The following RAB3GAP1 variants were observed in gnomAD, a reference collection of about 807,000 sequenced individuals.
RAB3GAP1 encodes RAB3 GTPase activating protein catalytic subunit 1, also known as rab3 GTPase-activating protein catalytic subunit.
A neutral mutation model predicts 130.7 loss-of-function variants in RAB3GAP1; 86 were observed. The observed-to-expected ratio is 0.66, with a 90% CI of 0.55 to 0.79. The LOEUF (loss-of-function observed/expected upper bound fraction) is 0.79, where lower values mean the gene tolerates loss of function less well. Ranked by LOEUF, RAB3GAP1 falls within the 30% of genes least tolerant of loss-of-function variation. The pLI, the probability that RAB3GAP1 is intolerant of heterozygous loss-of-function variation, is 0.00. For missense variants in RAB3GAP1, 1,029 were observed against 1,169.4 expected (o/e 0.88, Z 1.75); for synonymous variants, 367 against 401.7 (o/e 0.91, Z 1.03).
intron 17 of RAB3GAP1, among the ~76,000 whole-genome samples, chr2:135,145,604 A>G (rs1264292729): frequency 2.6e-5 from 4 of 152,100 alleles, no homozygotes; most frequent in Non-Finnish European, 5.9e-5. Flanking sequence ...TCATTATTTA[A>G]TCTTTCTTTG....
In RAB3GAP1 at chr2:135,125,136, C is replaced by T. The variant is rs141338560; in HGVS notation, c.830+890C>T. Among the ~76,000 whole-genome samples the T allele has an allele frequency of 2.8e-4, 43 of 152,306 alleles. No individual in the cohort carries two copies. The East Asian group carries it at 4.6e-3, about 16-fold the overall frequency. ...TTTCCCCTTAGTCTTCTCAGCCCTC[C>T]GGCTCTAGGCAAACACTGATATACT... On this transcript the variant is annotated intron_variant, in intron 9 of 23. Transcript: ENST00000264158.
In RAB3GAP1 at chr2:135,126,241, T is replaced by G; in HGVS notation, c.891T>G (p.Asp297Glu). Residue 297 changes from aspartate to glutamate, a missense_variant, in exon 10 of 24, where the codon GAT (aspartate) becomes GAG (glutamate). This residue lies in a region of RAB3GAP1 where 510 missense variants were observed against 532.1 expected (regional missense o/e 0.96). Coordinates refer to ENST00000264158, the MANE Select transcript of RAB3GAP1 (RefSeq NM_012233.3). ...HLTEGIIVDNDVYSDLDPIQA... is the reference protein window; with the variant it reads ...HLTEGIIVDNEVYSDLDPIQA... Reference sequence around the variant, plus strand: ...CCGAAGGGATCATTGTGGATAATGATGTTTATTCGTAAGTATGTTAAGAGT... The same window carrying G: ...CCGAAGGGATCATTGTGGATAATGAGGTTTATTCGTAAGTATGTTAAGAGT... 1 of 1,611,522 alleles carries G rather than the reference T, an allele frequency of 6.2e-7. No homozygotes were observed.
rs186228983 is a variant in RAB3GAP1, at chr2:135,052,333, C to A, written c.18+8C>A. 47 of 1,614,066 alleles carry A rather than the reference C, an allele frequency of 2.9e-5. 1 individual carries two copies. In the African/African-American group the frequency reaches 6.1e-4, roughly 21 times the overall value. ...ATGGCTGCCGACAGTGAGGTGATTT[C>A]TTTGCTCCCTACTTAATCCTTGTCA... On this transcript the variant is annotated splice_region_variant and intron_variant, in intron 1 of 23. Transcript: ENST00000264158.
Position 135,093,654 on chromosome 2 carries a change from A to G in RAB3GAP1, c.323A>G (p.Asn108Ser). ...TCTATGCAAGATTTGCTGGGTATGA[A>G]TAATGACTTTCCTCCAAGAGCACAT... is the stretch of plus-strand genomic sequence containing the variant. ...PQSMQDLLGM[N>S]NDFPPRAHCL... The change falls in exon 5 of 24, where the codon AAT (asparagine) becomes AGT (serine). Residue 108 changes from asparagine (N) to serine (S), a missense_variant. By Grantham distance (46) the Asn-to-Ser change is conservative. Transcript: ENST00000264158. 1 of 1,613,746 alleles carries G rather than the reference A, an allele frequency of 6.2e-7. No individual in the cohort carries two copies. Among genetic ancestry groups the G allele is most frequent in the Non-Finnish European group, 8.5e-7 (1 of 1,179,608 alleles).
intron 3 of RAB3GAP1, chr2:135,090,013 C>A (rs1052224972): frequency 5.2e-6 from 1 of 193,092 alleles, no homozygotes; most frequent in African/African-American, 2.4e-5. Context: ...TTGCAGCAAA[C>A]CACTATGGCA....
intron 7 of RAB3GAP1, among the ~76,000 whole-genome samples, chr2:135,117,612 TCTG>T (rs1691043062): frequency 6.3e-5 from 9 of 141,808 alleles, no homozygotes; most frequent in African/African-American, 1.5e-4. Context: ...TTCTGCTTCT[TCTG>T]CTTCTGCTTC....
At chr2:135,117,822 C>CT (rs1691075561) in intron 7 of RAB3GAP1, among the ~76,000 whole-genome samples, 2 of 124,810 alleles carry the variant, frequency 1.6e-5, no homozygotes, top group African/African-American at 3.9e-5. Flanking sequence ...CTTCTTCTTT[C>CT]TTCTTCTTCT....
At chr2:135,064,238 A>G (rs1193564883) in intron 3 of RAB3GAP1, among the ~76,000 whole-genome samples, 1 of 151,998 alleles carries the variant, frequency 6.6e-6, no homozygotes, top group Non-Finnish European at 1.5e-5. Context: ...GTTTTTCACC[A>G]CATTTGGGGT....
chr2:135,067,039 A>G (rs1386554768), intron 3 of RAB3GAP1, among the ~76,000 whole-genome samples: 4 of 152,220 alleles, frequency 2.6e-5, no homozygotes, highest in African/African-American at 7.2e-5. Context: ...TCATATGGCA[A>G]ATTTAAAATG....
chr2:135,168,632 C>G lies in RAB3GAP1; in HGVS notation c.2797C>G (p.Pro933Ala), dbSNP rs777581558. 6.2e-7 allele frequency: 1 copy of G among 1,614,140 alleles called. No homozygotes were observed. Residue 933 changes from proline to alanine, a missense_variant, in exon 24 of 24, where the codon CCC becomes GCC. By Grantham distance (27) the Pro-to-Ala change is conservative. Transcript: ENST00000264158. The stretch of plus-strand genomic sequence containing the variant: ...GCAGAACTCCGTGTCAGACTTCCCA[C>G]CCCCTGCTGGCCGGGAATTCATTTT... ...RRQNSVSDFPPPAGREFILRT... is the reference protein window; with the variant it reads ...RRQNSVSDFPAPAGREFILRT...
intron 17 of RAB3GAP1, among the ~76,000 whole-genome samples, chr2:135,146,199 CTTTTTTTTTTTTT>C (rs1173567563): frequency 8.3e-5 from 8 of 96,596 alleles, no homozygotes; most frequent in African/African-American, 3.2e-4. Context: ...CATATTTGTT[CTTTTTTTTTTTTT>C]TTTTTTTTTT....
At chr2:135,073,383 G>C (rs1162847660) in intron 3 of RAB3GAP1, among the ~76,000 whole-genome samples, 1 of 152,150 alleles carries the variant, frequency 6.6e-6, no homozygotes, top group East Asian at 1.9e-4. Context: ...TTGTTTTGTT[G>C]ATGCCAATGT....
chr2:135,085,157 A>G (rs1368840093), intron 3 of RAB3GAP1, among the ~76,000 whole-genome samples: 2 of 152,316 alleles, frequency 1.3e-5, no homozygotes, highest in East Asian at 1.9e-4. Context: ...ATTTCCACCA[A>G]CGTGAGAAAC....
rs1692515232 is a variant in RAB3GAP1, at chr2:135,163,081, G to A, written c.2586G>A (p.Glu862=). 6.2e-7 allele frequency: 1 copy of A among 1,613,112 alleles called. No individual in the cohort carries two copies. The highest frequency in any genetic ancestry group is 8.5e-7 in the Non-Finnish European group (1 of 1,179,108). Residue 862 remains glutamate (E), a synonymous_variant, in exon 22 of 24, where the codon GAG becomes GAA. Transcript: ENST00000264158. ...GAACTGAGAAATGTGAACAGGAGGA[G>A]GAAAAGGAAGATCTTGAAAGGTAAT... ...KFGTEKCEQE[E]EKEDLERFVS... is the part of the protein sequence containing the mutation.
At chr2:135,121,645 A>G (rs1320149125) in intron 8 of RAB3GAP1, among the ~76,000 whole-genome samples, 2 of 152,224 alleles carry the variant, frequency 1.3e-5, no homozygotes, top group Non-Finnish European at 2.9e-5. Context: ...AACTTTTAAA[A>G]TATAAGAATT....
chr2:135,109,791 C>T (rs1690744559), intron 5 of RAB3GAP1, among the ~76,000 whole-genome samples: 2 of 152,002 alleles, frequency 1.3e-5, no homozygotes, highest in South Asian at 4.1e-4. Flanking sequence ...ACCATGTTAG[C>T]CAGGATGGTC....
At chr2:135,073,224 G>T (rs1329643054) in intron 3 of RAB3GAP1, among the ~76,000 whole-genome samples, 1 of 152,128 alleles carries the variant, frequency 6.6e-6, no homozygotes, top group African/African-American at 2.4e-5. Flanking sequence ...TTTTCTTTTG[G>T]ACAGAGAGAG....
chr2:135,116,048 C>T (rs1208256022), intron 7 of RAB3GAP1, among the ~76,000 whole-genome samples: 1 of 152,086 alleles, frequency 6.6e-6, no homozygotes, highest in Non-Finnish European at 1.5e-5. Flanking sequence ...AAGGGATCCT[C>T]TACTTAGAGA....
intron 18 of RAB3GAP1, among the ~76,000 whole-genome samples, chr2:135,151,471 T>C (rs1377500408): frequency 1.3e-5 from 2 of 152,246 alleles, no homozygotes; most frequent in Non-Finnish European, 2.9e-5. Flanking sequence ...CCTTTTTTGC[T>C]AGCAGATTTA....
Sources: allele counts gnomAD v4.1 joint callset (sites outside exome capture counted in the v4.1 genomes callset), GRCh38; gene constraint gnomAD v4.1.1; regional missense constraint gnomAD v4.1.1; transcripts MANE v1.5; gene names NCBI Gene and HGNC (gene_info 2026-07-23, HGNC 2026-07-21).